Variants in MRTFB observed in about 807,000 individuals in gnomAD.
MRTFB encodes the protein myocardin-related transcription factor B.
In MRTFB, 29 loss-of-function variants were observed where a neutral mutation model predicts 104.2. The ratio of observed to expected loss-of-function variants is 0.28; its 90% CI spans 0.21 to 0.38. The LOEUF is 0.38. Among genes scored for constraint, MRTFB ranks in the 10% least tolerant of loss-of-function variants. The pLI is 1.00. For synonymous variants in MRTFB, 535 were observed against 519.5 expected (o/e 1.03, Z -0.41); for missense variants, 1,270 against 1,341.6 (o/e 0.95, Z 0.83).
intron 10 of MRTFB, among the ~76,000 whole-genome samples, chr16:14,243,735 AAAAT>A (rs1253755497): frequency 6.6e-6 from 1 of 152,160 alleles, no homozygotes; most frequent in Non-Finnish European, 1.5e-5. Context: ...AATTGATGCA[AAAAT>A]AAATACACTC....
chr16:14,102,313 C>A (rs1159044088), intron 2 of MRTFB, among the ~76,000 whole-genome samples: 1 of 152,194 alleles, frequency 6.6e-6, no homozygotes, highest in African/African-American at 2.4e-5. Context: ...ACTCTTGAGT[C>A]AGGAAACTGG....
chr16:14,094,516 AGCT>A (rs2035254320), intron 2 of MRTFB, among the ~76,000 whole-genome samples: 1 of 152,234 alleles, frequency 6.6e-6, no homozygotes, highest in Non-Finnish European at 1.5e-5. Context: ...AGTTTTAAGT[AGCT>A]GACAAATCTT....
intron 6 of MRTFB, among the ~76,000 whole-genome samples, chr16:14,215,591 C>G (rs2041382246): frequency 6.6e-6 from 1 of 152,250 alleles, no homozygotes; most frequent in Admixed American, 6.5e-5. Flanking sequence ...AGACAGAAGT[C>G]TGTCCTACCT....
intron 8 of MRTFB, 147 bp from the exon 9 acceptor site, chr16:14,233,999 C>A: frequency 4.3e-6 from 4 of 921,412 alleles, no homozygotes; most frequent in Non-Finnish European, 6.5e-6. Flanking sequence ...TGTTATTCCA[C>A]CATCTGGCCT....
chr16:14,035,814 G>C, the MRTFB span, among the ~76,000 whole-genome samples: 2 of 151,654 alleles, frequency 1.3e-5, no homozygotes, highest in Non-Finnish European at 2.9e-5. Context: ...TGAGATTTTG[G>C]TGCACTCATC....
Position 14,261,504 on chromosome 16 carries a change from T to C in MRTFB, c.*60T>C, listed in dbSNP as rs1339947343. On this transcript the variant is annotated 3_prime_UTR_variant, in exon 17 of 17. Coordinates refer to ENST00000571589, the MANE Select transcript of MRTFB (RefSeq NM_001308142.2). The stretch of plus-strand genomic sequence containing the variant: ...TTAAGAACATGAAGATTCTAAAAGG[T>C]CAGTTTTTAGAGATAGATCTATAGT... 1 of 1,485,496 alleles carries C rather than the reference T, an allele frequency of 6.7e-7. No homozygotes were observed. Among genetic ancestry groups the C allele is most frequent in the Non-Finnish European group, 9.1e-7 (1 of 1,103,566 alleles). 92.0% of individuals were successfully genotyped at this position (1,485,496 alleles called of 1,614,324 possible). A position where few individuals can be genotyped will look rare whatever the true frequency, so the allele number is the denominator to read the frequency against.
chr16:14,248,717 A>G, intron 12 of MRTFB: 1 of 470,522 alleles, frequency 2.1e-6, no homozygotes, highest in East Asian at 3.8e-5. Flanking sequence ...AGGAATAATA[A>G]GAGCATGCAG....
chr16:14,221,516 CTG>C (rs1233276388), intron 8 of MRTFB, among the ~76,000 whole-genome samples: 1 of 152,176 alleles, frequency 6.6e-6, no homozygotes, highest in Non-Finnish European at 1.5e-5. Flanking sequence ...TCTCTGCAGT[CTG>C]TTTTTTCCTG....
At position 14,233,781 on chromosome 16, in the gene MRTFB, C is replaced by CAAA. The variant is rs1007606658; in HGVS notation, c.694-344_694-342dup. Reference sequence around the variant, plus strand: ...TTCCAGCCTGAGTGAGACTCCCTCTCAAAAAAAAAAAAAAAAAAAAAAAGA... The same window carrying CAAA: ...TTCCAGCCTGAGTGAGACTCCCTCTCAAAAAAAAAAAAAAAAAAAAAAAAAAGA... On this transcript the variant is annotated intron_variant, in intron 8 of 16. Coordinates refer to ENST00000571589, the MANE Select transcript of MRTFB (RefSeq NM_001308142.2). 3.6e-3 allele frequency among the ~76,000 whole-genome samples: 181 copies of CAAA among 49,822 alleles called. 2 individuals are homozygous for CAAA. The highest frequency in any genetic ancestry group is 8.6e-3 in the African/African-American group (122 of 14,200). 32.7% of individuals were successfully genotyped at this position (49,822 alleles called of 152,430 possible).
chr16:14,131,519 A>G (rs1182189637), intron 2 of MRTFB, among the ~76,000 whole-genome samples: 10 of 152,206 alleles, frequency 6.6e-5, no homozygotes, highest in Admixed American at 5.9e-4. Flanking sequence ...TGAAAAGTCA[A>G]CCCACAGAAT....
intron 8 of MRTFB, among the ~76,000 whole-genome samples, chr16:14,224,913 G>A (rs78415712): frequency 5.3e-4 from 81 of 152,312 alleles, no homozygotes; most frequent in East Asian, 4.0e-3. Context: ...GGCTGGGCAC[G>A]GTGGCTTACA....
the MRTFB span, among the ~76,000 whole-genome samples, chr16:14,037,300 T>C: frequency 2.0e-5 from 3 of 152,212 alleles, no homozygotes; most frequent in Non-Finnish European, 2.9e-5. Flanking sequence ...CAATAGATGG[T>C]AGATCATGGT....
chr16:14,083,287 C>A (rs1422205183), intron 2 of MRTFB, among the ~76,000 whole-genome samples: 1 of 152,108 alleles, frequency 6.6e-6, no homozygotes, highest in East Asian at 1.9e-4. Context: ...TATATAAGGT[C>A]ATGCCATCTG....
At chr16:14,159,919 G>C (rs1289202088) in intron 3 of MRTFB, among the ~76,000 whole-genome samples, 1 of 104,954 alleles carries the variant, frequency 9.5e-6, no homozygotes, top group Non-Finnish European at 1.7e-5. Flanking sequence ...GACAGAGCGA[G>C]ACTCCGTCTC....
chr16:14,123,174 G>T (rs1409952556), intron 2 of MRTFB, among the ~76,000 whole-genome samples: 1 of 152,104 alleles, frequency 6.6e-6, no homozygotes, highest in Non-Finnish European at 1.5e-5. Flanking sequence ...TAAGTTCTTT[G>T]TAGATTCTGG....
chr16:14,057,958 A>G, the MRTFB span, among the ~76,000 whole-genome samples: 1 of 152,222 alleles, frequency 6.6e-6, no homozygotes, highest in Admixed American at 6.5e-5. Flanking sequence ...CCATTCCCAG[A>G]GCCAGGGGTG....
intron 3 of MRTFB, among the ~76,000 whole-genome samples, chr16:14,155,717 A>G (rs1289610640): frequency 1.3e-5 from 2 of 152,130 alleles, no homozygotes; most frequent in Non-Finnish European, 2.9e-5. Flanking sequence ...TAAGTGCCCC[A>G]GGGAGGACAT....
chr16:14,015,880 A>G, the MRTFB span: 1 of 398,538 alleles, frequency 2.5e-6, no homozygotes, highest in Non-Finnish European at 4.4e-6. Flanking sequence ...ACAGGTAAAC[A>G]CAGAGAACAG....
chr16:14,043,492 T>C, the MRTFB span, among the ~76,000 whole-genome samples: 1 of 152,094 alleles, frequency 6.6e-6, no homozygotes, highest in African/African-American at 2.4e-5. Flanking sequence ...ATGTACTCTT[T>C]CTTCATTGTT....
Sources: gnomAD v4.1 joint callset for allele counts (sites outside exome capture counted in the v4.1 genomes callset) on GRCh38, gnomAD v4.1.1 for gene constraint, MANE v1.5 for transcripts, NCBI Gene and HGNC (gene_info 2026-07-23, HGNC 2026-07-21) for gene names.